The following CYP19A1 variants were observed in gnomAD, a reference collection of about 807,000 sequenced individuals.
The protein encoded by CYP19A1 is aromatase.
A neutral mutation model predicts 44.4 loss-of-function variants in CYP19A1; 32 were observed. The observed-to-expected ratio is 0.72, with a 90% CI of 0.54 to 0.97. The LOEUF (loss-of-function observed/expected upper bound fraction) is 0.97. CYP19A1 is among the 50% of genes least tolerant of loss of function. The pLI is 0.00. For missense variants in CYP19A1, 598 were observed against 637.8 expected, an observed-to-expected ratio of 0.94 and a Z score of 0.67; for synonymous variants, 212 against 215.6, an observed-to-expected ratio of 0.98 and a Z score of 0.14.
chr15:51,225,224 C>T (rs2032472754), intron 4 of CYP19A1, among the ~76,000 whole-genome samples: 1 of 152,086 alleles, frequency 6.6e-6, no homozygotes, highest in Non-Finnish European at 1.5e-5. Context: ...GTACCTAGTT[C>T]AAAGATGAGA....
At chr15:51,325,867 G>A (rs893927113) in intron 1 of CYP19A1, among the ~76,000 whole-genome samples, 1 of 142,760 alleles carries the variant, frequency 7.0e-6, no homozygotes, top group African/African-American at 2.6e-5. Context: ...AAAAAAAAGG[G>A]CATTGAGTCC....
intron 1 of CYP19A1, among the ~76,000 whole-genome samples, chr15:51,295,145 T>G (rs1199905697): frequency 4.6e-5 from 7 of 151,912 alleles, no homozygotes; most frequent in South Asian, 2.1e-4. Flanking sequence ...TGTTTTTTTT[T>G]TTTTTTTTTT....
chr15:51,211,367 C>G, intron 9 of CYP19A1, among the ~76,000 whole-genome samples: 2 of 152,304 alleles, frequency 1.3e-5, no homozygotes, highest in Middle Eastern at 6.8e-3. Flanking sequence ...GGAATAGCCA[C>G]AGATTTACTA....
intron 1 of CYP19A1, among the ~76,000 whole-genome samples, chr15:51,254,986 G>A (rs1011895215): frequency 3.3e-5 from 5 of 152,128 alleles, no homozygotes; most frequent in African/African-American, 1.2e-4. Context: ...GGATCGAAGG[G>A]AGCTGTGGGG....
chr15:51,287,501 TC>T, intron 1 of CYP19A1, among the ~76,000 whole-genome samples: 1 of 152,204 alleles, frequency 6.6e-6, no homozygotes, highest in Admixed American at 6.5e-5. Flanking sequence ...TGTGTGGGCC[TC>T]GTCAGCACTC....
chr15:51,232,614 C>T (rs967619641), intron 3 of CYP19A1, among the ~76,000 whole-genome samples: 1 of 152,192 alleles, frequency 6.6e-6, no homozygotes, highest in Non-Finnish European at 1.5e-5. Flanking sequence ...CCATTCAATG[C>T]AAAACTGGAC....
Position 51,251,698 on chromosome 15 carries a change from A to C in CYP19A1, c.-38-8748T>G, listed in dbSNP as rs555052349. Among the ~76,000 whole-genome samples, 11 of 152,218 alleles carry C rather than the reference A, an allele frequency of 7.2e-5. 1 individual carries two copies. The highest frequency in any genetic ancestry group is 1.3e-4 in the Admixed American group (2 of 15,286). ...TTCTGCACATCTTAGCAGTGATTCC[A>C]AATGCCAAGTCCCAGCAACTCAGTG... On this transcript the variant is annotated intron_variant, in intron 1 of 9. Coordinates refer to ENST00000396402, the MANE Select transcript of CYP19A1 (RefSeq NM_000103.4).
chr15:51,273,728 G>A (rs991527149), intron 1 of CYP19A1, among the ~76,000 whole-genome samples: 4 of 152,174 alleles, frequency 2.6e-5, no homozygotes, highest in East Asian at 3.9e-4. Context: ...AATGACAGCC[G>A]GCTGCAATGG....
chr15:51,281,794 G>A (rs1156593892), intron 1 of CYP19A1, among the ~76,000 whole-genome samples: 1 of 152,088 alleles, frequency 6.6e-6, no homozygotes, highest in Non-Finnish European at 1.5e-5. Context: ...AAGAGTAAAG[G>A]GTACACTGAC....
intron 9 of CYP19A1, chr15:51,211,512 G>A (rs1740966968): frequency 2.1e-5 from 7 of 331,902 alleles, no homozygotes; most frequent in South Asian, 7.3e-5. Flanking sequence ...GAAAATTAAT[G>A]AGGACCACAG....
rs140156348 is a variant in CYP19A1, at chr15:51,271,146, T to C, written c.-38-28196A>G. Among the ~76,000 whole-genome samples the C allele has an allele frequency of 3.1e-3, 473 of 152,288 alleles. 2 individuals carry two copies. The highest frequency in any genetic ancestry group is 0.02 in the Middle Eastern group (6 of 294). ...TCTTCTCACATCTCTGTTCACTTCT[T>C]ATTCATACTCTGTCCTGATTCTTTT... On this transcript the variant is annotated intron_variant, in intron 1 of 9. Coordinates refer to ENST00000396402, the MANE Select transcript of CYP19A1 (RefSeq NM_000103.4).
rs28757204 is a variant in CYP19A1, at chr15:51,211,329, A to T, written c.1264-273T>A. Among the ~76,000 whole-genome samples the T allele has an allele frequency of 3.9e-3, 590 of 152,280 alleles. 4 individuals carry two copies. Among genetic ancestry groups the T allele is most frequent in the African/African-American group, 0.014 (566 of 41,550 alleles). On this transcript the variant is annotated intron_variant, in intron 9 of 9. Coordinates refer to ENST00000396402, the MANE Select transcript of CYP19A1 (RefSeq NM_000103.4). ...AATGCAAACCAAATCTTATTACAGCAAGTGTTAGTATAATCAGGTAGCTCT... is the reference window on the plus strand; with the variant it reads ...AATGCAAACCAAATCTTATTACAGCTAGTGTTAGTATAATCAGGTAGCTCT...
intron 3 of CYP19A1, 133 bp from the exon 4 acceptor site, chr15:51,228,066 C>T (rs1566880415): frequency 2.4e-5 from 17 of 722,190 alleles, no homozygotes; most frequent in Middle Eastern, 6.7e-4. Flanking sequence ...TTCTAGTATT[C>T]GGGTTGAATA....
At chr15:51,305,761 A>G (rs7176453) in intron 1 of CYP19A1, among the ~76,000 whole-genome samples, 23,676 of 151,978 alleles carry the variant, frequency 0.16, 3,516 homozygotes, top group African/African-American at 0.38. Context: ...GGGTTTCACT[A>G]TGTTGGCCAG....
intron 1 of CYP19A1, among the ~76,000 whole-genome samples, chr15:51,250,081 G>T (rs1199537106): frequency 6.6e-6 from 1 of 152,212 alleles, no homozygotes; most frequent in African/African-American, 2.4e-5. Context: ...TCCCTGCTGT[G>T]GTCTCTGACT....
intron 1 of CYP19A1, among the ~76,000 whole-genome samples, chr15:51,330,716 G>A (rs1398189071): frequency 6.6e-6 from 1 of 152,146 alleles, no homozygotes; most frequent in Non-Finnish European, 1.5e-5. Flanking sequence ...AGTTCAAGGA[G>A]GCTGAGAAGG....
At chr15:51,334,234 A>G (rs1386181961) in intron 1 of CYP19A1, among the ~76,000 whole-genome samples, 3 of 152,202 alleles carry the variant, frequency 2.0e-5, no homozygotes. Flanking sequence ...GATGGGGGCC[A>G]AAAATTTCCT....
chr15:51,211,896 C>A (rs926700411), intron 9 of CYP19A1, among the ~76,000 whole-genome samples: 3 of 152,172 alleles, frequency 2.0e-5, no homozygotes, highest in Non-Finnish European at 4.4e-5. Context: ...TTTGCAAAAA[C>A]CAAATCTTTT....
chr15:51,301,730 A>G (rs1244533786), intron 1 of CYP19A1, among the ~76,000 whole-genome samples: 1 of 152,198 alleles, frequency 6.6e-6, no homozygotes, highest in Non-Finnish European at 1.5e-5. Flanking sequence ...TTGCAAGGCT[A>G]GGGTTACTGC....
Sources: gnomAD v4.1 joint callset for allele counts (sites outside exome capture counted in the v4.1 genomes callset) on GRCh38, gnomAD v4.1.1 for gene constraint, MANE v1.5 for transcripts, NCBI Gene and HGNC (gene_info 2026-07-23, HGNC 2026-07-21) for gene names.